SEMA5A: variants seen among roughly 807,000 people sequenced by gnomAD.
SEMA5A encodes the protein semaphorin 5A, also known as semaphorin-5A.
In SEMA5A, 55 loss-of-function variants were observed where a neutral mutation model predicts 135.5. The observed-to-expected ratio is 0.41, with a 90% CI of 0.33 to 0.51. The LOEUF is 0.51. Ranked by LOEUF, SEMA5A falls within the 20% of genes least tolerant of loss-of-function variation. The pLI, the probability that SEMA5A is intolerant of heterozygous loss-of-function variation, is 0.37. For missense variants in SEMA5A, 1,290 were observed against 1,419.9 expected, an observed-to-expected ratio of 0.91 and a Z score of 1.47; for synonymous variants, 580 against 546.5, an observed-to-expected ratio of 1.06 and a Z score of -0.85.
chr5:9,283,590 A>G (rs2150569412), intron 5 of SEMA5A, among the ~76,000 whole-genome samples: 1 of 152,264 alleles, frequency 6.6e-6, no homozygotes, highest in Admixed American at 6.5e-5. Flanking sequence ...TTACCATATA[A>G]GGTAAATTAA....
At chr5:9,309,522 A>G (rs1752026042) in intron 5 of SEMA5A, among the ~76,000 whole-genome samples, 1 of 152,120 alleles carries the variant, frequency 6.6e-6, no homozygotes, top group African/African-American at 2.4e-5. Context: ...CCTTTGCATG[A>G]TCCTCCACTC....
intron 3 of SEMA5A, among the ~76,000 whole-genome samples, chr5:9,353,162 GAGGGAAAGGA>G (rs1754243841): frequency 4.2e-5 from 1 of 23,530 alleles, no homozygotes; most frequent in Non-Finnish European, 7.4e-5. Context: ...GAAAGGAAAG[GAGGGAAAGGA>G]AGGGAAAGGA....
Position 9,463,275 on chromosome 5 carries a change from G to T in SEMA5A, c.-174-25423C>A, listed in dbSNP as rs1759125336. On this transcript the variant is annotated intron_variant, in intron 1 of 22. Coordinates refer to ENST00000382496, the MANE Select transcript of SEMA5A (RefSeq NM_003966.3). The stretch of plus-strand genomic sequence containing the variant: ...AAGATCATTGAAACAACTAAAGGGA[G>T]AGAGGGAGGTTTTGTGATAAACTGC... Among the ~76,000 whole-genome samples, 4 of 152,256 alleles carry T rather than the reference G, an allele frequency of 2.6e-5. No homozygotes were observed. In the East Asian group the frequency reaches 5.8e-4, roughly 22 times the overall value.
chr5:9,479,913 T>C (rs1759810710), intron 1 of SEMA5A, among the ~76,000 whole-genome samples: 1 of 152,190 alleles, frequency 6.6e-6, no homozygotes, highest in Non-Finnish European at 1.5e-5. Flanking sequence ...AATTCATCAG[T>C]ATAACAGGCA....
At chr5:9,095,221 G>A (rs1338859151) in intron 16 of SEMA5A, among the ~76,000 whole-genome samples, 2 of 151,970 alleles carry the variant, frequency 1.3e-5, no homozygotes, top group Admixed American at 1.3e-4. Context: ...ATGGGGAGGG[G>A]AACATCACAC....
At chr5:9,296,937 C>T in intron 5 of SEMA5A, among the ~76,000 whole-genome samples, 1 of 150,300 alleles carries the variant, frequency 6.7e-6, no homozygotes, top group Non-Finnish European at 1.5e-5. Context: ...AAAAACATTT[C>T]CTTAGGGAGC....
At chr5:9,122,498 T>G (rs569168015) in intron 14 of SEMA5A, among the ~76,000 whole-genome samples, 158 bp downstream of exon 14, 3 of 152,208 alleles carry the variant, frequency 2.0e-5, no homozygotes, top group African/African-American at 7.2e-5. Context: ...GTTTAAAATC[T>G]CCTTGCAAAA....
chr5:9,210,053 T>A (rs1252613133), intron 8 of SEMA5A, among the ~76,000 whole-genome samples: 2 of 152,218 alleles, frequency 1.3e-5, no homozygotes, highest in African/African-American at 4.8e-5. Flanking sequence ...TTCACTACAG[T>A]GAGGCATCCC....
At chr5:9,341,858 C>A (rs998751210) in intron 3 of SEMA5A, among the ~76,000 whole-genome samples, 1 of 151,466 alleles carries the variant, frequency 6.6e-6, no homozygotes, top group Non-Finnish European at 1.5e-5. Context: ...AAATTACATT[C>A]ATTGATTCTT....
intron 2 of SEMA5A, among the ~76,000 whole-genome samples, chr5:9,419,162 C>T (rs1385503138): frequency 3.3e-5 from 5 of 151,840 alleles, no homozygotes; most frequent in Non-Finnish European, 2.9e-5. Context: ...GTTCAATTTC[C>T]ATGTGTTTGT....
chr5:9,127,983 G>T (rs1467472262), intron 13 of SEMA5A, among the ~76,000 whole-genome samples: 14 of 152,188 alleles, frequency 9.2e-5, no homozygotes. Context: ...CAGTCCACGT[G>T]ATTCCTTAAA....
chr5:9,154,091 A>ATG (rs1314653012), intron 12 of SEMA5A, among the ~76,000 whole-genome samples: 1 of 80,190 alleles, frequency 1.2e-5, no homozygotes, highest in Non-Finnish European at 2.3e-5. Flanking sequence ...ATATATATAT[A>ATG]TATGTGTGTG....
intron 2 of SEMA5A, among the ~76,000 whole-genome samples, chr5:9,398,223 T>C (rs1487854406): frequency 6.6e-6 from 1 of 152,116 alleles, no homozygotes; most frequent in Non-Finnish European, 1.5e-5. Context: ...CACTATGATA[T>C]CCAGAAGCCT....
intron 6 of SEMA5A, among the ~76,000 whole-genome samples, chr5:9,233,476 C>A (rs1310398093): frequency 6.6e-6 from 1 of 150,434 alleles, no homozygotes; most frequent in Non-Finnish European, 1.5e-5. Context: ...ACTTTTTTTC[C>A]CCCATGGAAT....
At chr5:9,406,811 C>A (rs1756904118) in intron 2 of SEMA5A, among the ~76,000 whole-genome samples, 1 of 152,116 alleles carries the variant, frequency 6.6e-6, no homozygotes, top group Non-Finnish European at 1.5e-5. Context: ...ATGAAATTAG[C>A]CCAATGCAAG....
chr5:9,386,479 G>T (rs42196), intron 2 of SEMA5A, among the ~76,000 whole-genome samples: 6,286 of 152,226 alleles, frequency 0.041, 206 homozygotes, highest in East Asian at 0.13. Context: ...CTCTCACCTT[G>T]CCAGGGTCCT....
chr5:9,466,983 A>G (rs1402700599), intron 1 of SEMA5A, among the ~76,000 whole-genome samples: 1 of 152,278 alleles, frequency 6.6e-6, no homozygotes. Flanking sequence ...AGTGAGCATC[A>G]AAAGGCAGAA....
chr5:9,354,736 A>T (rs1342933230), intron 3 of SEMA5A, among the ~76,000 whole-genome samples: 1 of 152,182 alleles, frequency 6.6e-6, no homozygotes, highest in Non-Finnish European at 1.5e-5. Context: ...ACTAAAACAG[A>T]GTAACTTTGT....
intron 11 of SEMA5A, among the ~76,000 whole-genome samples, chr5:9,166,415 G>A (rs1322646525): frequency 6.6e-6 from 1 of 152,128 alleles, no homozygotes; most frequent in South Asian, 2.1e-4. Flanking sequence ...TCACAGGGTC[G>A]GCGGCCACTA....
Sources: gnomAD v4.1 joint callset for allele counts (sites outside exome capture counted in the v4.1 genomes callset) on GRCh38, gnomAD v4.1.1 for gene constraint, MANE v1.5 for transcripts, NCBI Gene and HGNC (gene_info 2026-07-23, HGNC 2026-07-21) for gene names.